MGAT4A: variants seen among roughly 807,000 people sequenced by gnomAD.
MGAT4A encodes alpha-1,3-mannosyl-glycoprotein 4-beta-N-acetylglucosaminyltransferase A, also known as N-acetylglucosaminyltransferase IVa.
In MGAT4A, 33 loss-of-function variants were observed where a neutral mutation model predicts 74.1. The observed-to-expected ratio is 0.45, with a 90% CI of 0.34 to 0.60. The LOEUF (loss-of-function observed/expected upper bound fraction) is 0.60, where lower values mean the gene tolerates loss of function less well. Among genes scored for constraint, MGAT4A ranks in the 20% least tolerant of loss-of-function variants. The pLI is 0.02. For synonymous variants in MGAT4A, 198 were observed against 210.4 expected (o/e 0.94, Z 0.51); for missense variants, 479 against 628.3 (o/e 0.76, Z 2.54).
rs148304432 is a variant in MGAT4A, at chr2:98,676,570, T to C, written c.263-1395A>G. 5.3e-3 allele frequency among the ~76,000 whole-genome samples: 802 copies of C among 152,200 alleles called. 6 individuals carry two copies. Among genetic ancestry groups the C allele is most frequent in the African/African-American group, 0.018 (758 of 41,534 alleles). The stretch of plus-strand genomic sequence containing the variant: ...AAAATAACTTAAAGGTTACCAGAAA[T>C]ATGATTGCTTTATATACAAATATGT... On this transcript the variant is annotated intron_variant, in intron 3 of 15. Coordinates refer to ENST00000393487, the MANE Select transcript of MGAT4A (RefSeq NM_012214.3).
chr2:98,657,063 T>C (rs1701671327), intron 6 of MGAT4A, among the ~76,000 whole-genome samples: 1 of 152,196 alleles, frequency 6.6e-6, no homozygotes, highest in Non-Finnish European at 1.5e-5. Context: ...CTGCCCCACA[T>C]TCTACAATGC....
At position 98,663,079 on chromosome 2, in the gene MGAT4A, C is replaced by G. The variant is rs1402823701; in HGVS notation, c.504G>C (p.Lys168Asn). 4.4e-6 allele frequency: 7 copies of G among 1,591,110 alleles called. No individual in the cohort carries two copies. Among genetic ancestry groups the G allele is most frequent in the Non-Finnish European group, 5.1e-6 (6 of 1,166,762 alleles). The change falls in exon 5 of 16, where the codon AAG (lysine) becomes AAC (asparagine). Residue 168 changes from lysine to asparagine, a missense_variant. Lys to Asn is a moderately conservative substitution (Grantham distance 94). Around this residue, in one of 3 missense-constraint regions of MGAT4A, gnomAD observed 205 missense variants for 232.7 expected, o/e 0.88. Transcript: ENST00000393487. ...TGAAGACTACTATAACACAGTCCAA[C>G]TTCTCTTCAGGATACAGGTTATCAA... ...SLIDNLYPEEKLDCVIVVFIG... is the reference protein window; with the variant it reads ...SLIDNLYPEENLDCVIVVFIG...
At chr2:98,631,264 C>T (rs1701228332) in intron 14 of MGAT4A, among the ~76,000 whole-genome samples, 1 of 152,272 alleles carries the variant, frequency 6.6e-6, no homozygotes, top group South Asian at 2.1e-4. Context: ...GCGTAAGTTG[C>T]TACCCAGTCT....
At chr2:98,686,783 G>A (rs1702136933) in intron 2 of MGAT4A, among the ~76,000 whole-genome samples, 1 of 152,090 alleles carries the variant, frequency 6.6e-6, no homozygotes, top group African/African-American at 2.4e-5. Context: ...CTGACCTCAA[G>A]TGATCTGCCC....
chr2:98,630,337 C>T (rs1031116370), intron 14 of MGAT4A, among the ~76,000 whole-genome samples: 1 of 152,118 alleles, frequency 6.6e-6, no homozygotes, highest in Non-Finnish European at 1.5e-5. Flanking sequence ...AACTGTAGAC[C>T]ACAGAAAGAT....
intron 6 of MGAT4A, among the ~76,000 whole-genome samples, chr2:98,657,876 A>T (rs1391443365): frequency 1.3e-5 from 2 of 152,198 alleles, no homozygotes; most frequent in Non-Finnish European, 2.9e-5. Flanking sequence ...CTACCCTGAG[A>T]GCAGGAAGAT....
At chr2:98,665,810 T>A (rs1162676873) in intron 4 of MGAT4A, among the ~76,000 whole-genome samples, 1 of 152,132 alleles carries the variant, frequency 6.6e-6, no homozygotes, top group Non-Finnish European at 1.5e-5. Flanking sequence ...CTGGTAACCA[T>A]GAGAAAGAGC....
chr2:98,730,738 C>CG (rs2104344556), intron 1 of MGAT4A, among the ~76,000 whole-genome samples: 1 of 150,266 alleles, frequency 6.7e-6, no homozygotes, highest in South Asian at 2.1e-4. Context: ...AGAGGGCGCG[C>CG]GACCCCGAGG....
chr2:98,655,024 T>A (rs549317504), intron 8 of MGAT4A, among the ~76,000 whole-genome samples: 1 of 152,302 alleles, frequency 6.6e-6, no homozygotes, highest in South Asian at 2.1e-4. Context: ...AATTTTATTA[T>A]CTTCAAAATA....
rs1702763805 is a variant in MGAT4A at position 98,726,441 on chromosome 2, TA to T, written c.-110del. The T allele has an allele frequency of 4.0e-6, 3 of 758,026 alleles. No homozygotes were observed. In the South Asian group the frequency reaches 5.7e-5, roughly 14 times the overall value. 47.0% of individuals were successfully genotyped at this position (758,026 alleles called of 1,614,324 possible). On this transcript the variant is annotated 5_prime_UTR_variant, in exon 2 of 16. Coordinates refer to ENST00000393487, the MANE Select transcript of MGAT4A (RefSeq NM_012214.3). Reference sequence around the variant, plus strand: ...TGCAGTACTCCTGGCTCTAGGCCAATAAAAATCAATAAGAGAGGTTCATTTC... The same window carrying T: ...TGCAGTACTCCTGGCTCTAGGCCAATAAAATCAATAAGAGAGGTTCATTTC...
At chr2:98,706,061 C>A (rs1259275567) in intron 2 of MGAT4A, among the ~76,000 whole-genome samples, 1 of 151,752 alleles carries the variant, frequency 6.6e-6, no homozygotes, top group Non-Finnish European at 1.5e-5. Context: ...AGACGCTGAA[C>A]CGATTGATAA....
intron 2 of MGAT4A, chr2:98,694,838 C>T (rs1702244865): frequency 6.5e-6 from 1 of 152,826 alleles, no homozygotes; most frequent in Admixed American, 6.6e-5. Context: ...AAAAACAAAA[C>T]AAAACAAACA....
intron 14 of MGAT4A, among the ~76,000 whole-genome samples, chr2:98,631,036 C>T (rs545696311): frequency 3.3e-5 from 5 of 152,344 alleles, no homozygotes. Flanking sequence ...CCCCTCCGCC[C>T]GCCATGCCTG....
chr2:98,663,485 A>G, intron 4 of MGAT4A: 1 of 1,397,114 alleles, frequency 7.2e-7, no homozygotes, highest in Non-Finnish European at 9.3e-7. Flanking sequence ...AAACTTAAAA[A>G]CACTAAACAT....
At chr2:98,718,435 G>T (rs1702619503) in intron 2 of MGAT4A, among the ~76,000 whole-genome samples, 1 of 152,132 alleles carries the variant, frequency 6.6e-6, no homozygotes, top group Admixed American at 6.6e-5. Flanking sequence ...ACTGTCTCAA[G>T]GACAAATAGC....
chr2:98,644,070 A>G lies in MGAT4A; in HGVS notation c.890-17T>C. ...ACATTTTACCTGAAAAGATATTCCC[A>G]GTCAATAGCTGCAATGAAGAAACCA... On this transcript the variant is annotated splice_polypyrimidine_tract_variant and intron_variant, in intron 9 of 15. Coordinates refer to ENST00000393487, the MANE Select transcript of MGAT4A (RefSeq NM_012214.3). 1 of 1,550,794 alleles carries G rather than the reference A, an allele frequency of 6.4e-7. No individual in the cohort carries two copies. Among genetic ancestry groups the G allele is most frequent in the Non-Finnish European group, 8.8e-7 (1 of 1,139,358 alleles).
intron 8 of MGAT4A, among the ~76,000 whole-genome samples, chr2:98,652,843 T>TTGAACTCC (rs1376481488): frequency 2.0e-5 from 3 of 151,762 alleles, no homozygotes; most frequent in Non-Finnish European, 2.9e-5. Flanking sequence ...TCTTGAACTC[T>TTGAACTCC]TGAACTCCTG....
chr2:98,663,575 T>C, intron 4 of MGAT4A: 4 of 872,694 alleles, frequency 4.6e-6, no homozygotes, highest in Non-Finnish European at 4.7e-6. Context: ...TCTGTGGTTG[T>C]TCTTGCCAAC....
chr2:98,721,692 T>G (rs1702674310), intron 2 of MGAT4A, among the ~76,000 whole-genome samples: 1 of 152,076 alleles, frequency 6.6e-6, no homozygotes, highest in Non-Finnish European at 1.5e-5. Context: ...ATTACTAAAA[T>G]TAAGCTAGTA....
Sources: allele counts gnomAD v4.1 joint callset (sites outside exome capture counted in the v4.1 genomes callset), GRCh38; gene constraint gnomAD v4.1.1; regional missense constraint gnomAD v4.1.1; transcripts MANE v1.5; gene names NCBI Gene and HGNC (gene_info 2026-07-23, HGNC 2026-07-21).